ARHGAP24: variants seen among roughly 807,000 people sequenced by gnomAD.
The protein encoded by ARHGAP24 is rho GTPase-activating protein 24.
In ARHGAP24, 50 loss-of-function variants were observed where a neutral mutation model predicts 76.4. The ratio of observed to expected loss-of-function variants is 0.65; its 90% confidence interval spans 0.52 to 0.83. ARHGAP24 has a LOEUF of 0.83. ARHGAP24 is among the 40% of genes least tolerant of loss of function. The pLI is 0.00. For missense variants in ARHGAP24, 930 were observed against 914.2 expected, an observed-to-expected ratio of 1.02 and a Z score of -0.22; for synonymous variants, 345 against 323.3, an observed-to-expected ratio of 1.07 and a Z score of -0.72.
At chr4:85,701,525 A>G (rs547246955) in intron 2 of ARHGAP24, among the ~76,000 whole-genome samples, 1 of 152,278 alleles carries the variant, frequency 6.6e-6, no homozygotes, top group South Asian at 2.1e-4. Flanking sequence ...ACTGTACCGT[A>G]TGCATCTTAA....
intron 2 of ARHGAP24, among the ~76,000 whole-genome samples, chr4:85,622,101 T>G (rs1411655372): frequency 6.6e-6 from 1 of 152,032 alleles, no homozygotes; most frequent in East Asian, 1.9e-4. Flanking sequence ...TTTTAAAAAT[T>G]TTATTATTAT....
intron 8 of ARHGAP24, among the ~76,000 whole-genome samples, chr4:85,988,151 G>A (rs968141272): frequency 1.3e-5 from 2 of 151,844 alleles, no homozygotes; most frequent in Admixed American, 6.6e-5. Flanking sequence ...ATTCATCACT[G>A]ATGGTCTTGT....
intron 3 of ARHGAP24, among the ~76,000 whole-genome samples, chr4:85,886,244 C>T (rs950444970): frequency 3.3e-5 from 5 of 152,136 alleles, no homozygotes; most frequent in African/African-American, 9.6e-5. Flanking sequence ...ATATGATAAA[C>T]TTCGCAGGAC....
At chr4:85,813,982 G>C (rs1729127625) in intron 3 of ARHGAP24, among the ~76,000 whole-genome samples, 1 of 151,868 alleles carries the variant, frequency 6.6e-6, no homozygotes, top group East Asian at 1.9e-4. Context: ...ACAGCAGAAG[G>C]TGAAAGGCAT....
Position 85,812,523 on chromosome 4 carries a change from TA to T in ARHGAP24, c.268+90562del, listed in dbSNP as rs941378248. Among the ~76,000 whole-genome samples the T allele has an allele frequency of 1.9e-4, 28 of 147,272 alleles. 1 individual carries two copies. The highest frequency in any genetic ancestry group is 3.9e-4 in the East Asian group (2 of 5,088). ...AACTCTAACCCAGAGTTTTTTGCCTTAAAAAAAAAAATCTCCTGTGTTAAGG... is the reference window on the plus strand; with the variant it reads ...AACTCTAACCCAGAGTTTTTTGCCTTAAAAAAAAAATCTCCTGTGTTAAGG... On this transcript the variant is annotated intron_variant, in intron 3 of 9. Coordinates refer to ENST00000395184, the MANE Select transcript of ARHGAP24 (RefSeq NM_001025616.3).
At chr4:85,834,296 C>T (rs560414492) in intron 3 of ARHGAP24, among the ~76,000 whole-genome samples, 2 of 152,206 alleles carry the variant, frequency 1.3e-5, no homozygotes, top group East Asian at 3.9e-4. Flanking sequence ...ACAATTTCTT[C>T]CTCATAGTAG....
chr4:85,647,010 G>A (rs977394988), intron 2 of ARHGAP24, among the ~76,000 whole-genome samples: 1 of 152,102 alleles, frequency 6.6e-6, no homozygotes, highest in African/African-American at 2.4e-5. Flanking sequence ...ACTAAGTTGA[G>A]AATATAAGGA....
intron 2 of ARHGAP24, among the ~76,000 whole-genome samples, chr4:85,695,634 G>T (rs892058975): frequency 6.6e-6 from 1 of 152,142 alleles, no homozygotes; most frequent in African/African-American, 2.4e-5. Flanking sequence ...TATGTTAAAA[G>T]TCTGAAGCTA....
intron 1 of ARHGAP24, among the ~76,000 whole-genome samples, chr4:85,519,064 T>A (rs1724636109): frequency 6.6e-6 from 1 of 152,030 alleles, no homozygotes; most frequent in African/African-American, 2.4e-5. Context: ...ACGCTCAACA[T>A]CACTAATGAT....
At chr4:85,913,885 T>C (rs1469218976) in intron 3 of ARHGAP24, among the ~76,000 whole-genome samples, 1 of 152,200 alleles carries the variant, frequency 6.6e-6, no homozygotes, top group Non-Finnish European at 1.5e-5. Flanking sequence ...GATTTGAACA[T>C]TTTAATCCAG....
intron 2 of ARHGAP24, among the ~76,000 whole-genome samples, chr4:85,628,382 T>C (rs1442360139): frequency 6.6e-6 from 1 of 152,226 alleles, no homozygotes; most frequent in African/African-American, 2.4e-5. Context: ...AAATTTGTTG[T>C]CTCAATTTGT....
At chr4:85,991,061 A>G (rs888541953) in intron 8 of ARHGAP24, 2 of 152,068 alleles carry the variant, frequency 1.3e-5, no homozygotes, top group African/African-American at 2.4e-5. Flanking sequence ...AAGGCAGTCA[A>G]CTCAATGAAA....
intron 3 of ARHGAP24, among the ~76,000 whole-genome samples, chr4:85,894,946 A>G (rs1303434634): frequency 1.8e-5 from 2 of 109,018 alleles, no homozygotes; most frequent in Admixed American, 1.0e-4. Context: ...GGGCAACAGA[A>G]TGAGACTCCC....
Position 85,977,672 on chromosome 4 carries a change from T to A in ARHGAP24, c.909T>A (p.Asp303Glu), listed in dbSNP as rs1352379037. The A allele has an allele frequency of 6.2e-7, 1 of 1,613,780 alleles. No homozygotes were observed. Among genetic ancestry groups the A allele is most frequent in the Non-Finnish European group, 8.5e-7 (1 of 1,179,828 alleles). ...ATATCCTGCGCCCCAAAGTGGAAGA[T>A]CCTTTGACTATCATGGAGGGTAAGT... ...GPNILRPKVE[D>E]PLTIMEGTVV... Residue 303 changes from aspartate to glutamate, a missense_variant, in exon 8 of 10, where the codon GAT becomes GAA. Coordinates refer to ENST00000395184, the MANE Select transcript of ARHGAP24 (RefSeq NM_001025616.3).
chr4:85,660,454 A>T (rs1722333989), intron 2 of ARHGAP24, among the ~76,000 whole-genome samples: 1 of 152,310 alleles, frequency 6.6e-6, no homozygotes, highest in Non-Finnish European at 1.5e-5. Context: ...GGGCTACAGT[A>T]CTCAAATAGT....
intron 1 of ARHGAP24, among the ~76,000 whole-genome samples, chr4:85,547,903 G>T (rs1222815156): frequency 6.6e-6 from 1 of 152,110 alleles, no homozygotes; most frequent in Non-Finnish European, 1.5e-5. Flanking sequence ...TTGTTAATTT[G>T]TAATTCCATT....
chr4:85,838,753 C>A (rs373531588), intron 3 of ARHGAP24, among the ~76,000 whole-genome samples: 3 of 152,256 alleles, frequency 2.0e-5, no homozygotes, highest in South Asian at 4.1e-4. Flanking sequence ...AAGACATAAA[C>A]AAAATACAAT....
chr4:85,909,530 A>T (rs1001730118), intron 3 of ARHGAP24, among the ~76,000 whole-genome samples: 4 of 152,274 alleles, frequency 2.6e-5, no homozygotes, highest in African/African-American at 9.6e-5. Flanking sequence ...TTTGGACTTT[A>T]GCCAAATTTA....
intron 8 of ARHGAP24, among the ~76,000 whole-genome samples, chr4:85,986,737 T>C (rs1740027138): frequency 6.6e-6 from 1 of 152,074 alleles, no homozygotes; most frequent in Non-Finnish European, 1.5e-5. Flanking sequence ...CTTGAGGGAA[T>C]TTACCAGAGA....
Sources: allele counts gnomAD v4.1 joint callset (sites outside exome capture counted in the v4.1 genomes callset), GRCh38; gene constraint gnomAD v4.1.1; transcripts MANE v1.5; gene names NCBI Gene and HGNC (gene_info 2026-07-23, HGNC 2026-07-21).